DCDC2C: variants seen among roughly 807,000 people sequenced by gnomAD.
DCDC2C encodes doublecortin domain containing 2C.
In DCDC2C, 44 loss-of-function variants were observed where a neutral mutation model predicts 45.0. That is an observed-to-expected ratio of 0.98 (90% CI 0.77 to 1.26). The LOEUF (loss-of-function observed/expected upper bound fraction) is 1.26. Among genes scored for constraint, DCDC2C ranks in the 50% most tolerant of loss-of-function variants. The pLI, the probability that DCDC2C is intolerant of heterozygous loss-of-function variation, is 0.00. For missense variants in DCDC2C, 447 were observed against 468.9 expected (o/e 0.95, Z 0.43); for synonymous variants, 187 against 178.8 (o/e 1.05, Z -0.37).
rs930298234 is a variant in DCDC2C at position 3,752,888 on chromosome 2, G to C, written c.671G>C (p.Ser224Thr). The C allele has an allele frequency of 1.3e-6, 2 of 1,550,552 alleles. No homozygotes were observed. Among genetic ancestry groups the C allele is most frequent in the Non-Finnish European group, 1.7e-6 (2 of 1,146,962 alleles). The change falls in exon 5 of 11, where the codon AGT becomes ACT. Residue 224 changes from serine (S) to threonine (T), a missense_variant. Ser to Thr is a moderately conservative substitution (Grantham distance 58, BLOSUM62 1). Transcript: ENST00000399143. ...TACTGGAAGTCTCCAAGGGTGCCCA[G>C]TGAGGTCCAACAGTGAGCATGCTTC... is the stretch of plus-strand genomic sequence containing the variant. ...FPYWKSPRVP[S>T]EVQQRYANVE...
intron 10 of DCDC2C, among the ~76,000 whole-genome samples, chr2:3,795,856 T>G (rs1432381023): frequency 2.2e-5 from 3 of 136,138 alleles, no homozygotes; most frequent in African/African-American, 8.6e-5. Context: ...TGCGGGCTCT[T>G]TTTTGGTTCC....
Position 3,714,359 on chromosome 2 carries a change from GAA to G in DCDC2C, c.339+5762_339+5763del, listed in dbSNP as rs1435973048. Among the ~76,000 whole-genome samples the G allele has an allele frequency of 2.0e-5, 3 of 152,204 alleles. No individual in the cohort carries two copies. The South Asian group carries it at 6.2e-4, about 32-fold the overall frequency. Reference sequence around the variant, plus strand: ...TGACTGTGCCATGTTGGTTTAATGAGAAAAGTGTCCTTGGTCTTAATTCAATG... The same window carrying G: ...TGACTGTGCCATGTTGGTTTAATGAGAAGTGTCCTTGGTCTTAATTCAATG... On this transcript the variant is annotated intron_variant, in intron 2 of 10. Transcript: ENST00000399143.
chr2:3,724,191 C>T (rs548539216), intron 2 of DCDC2C, among the ~76,000 whole-genome samples: 16 of 152,270 alleles, frequency 1.1e-4, no homozygotes, highest in Non-Finnish European at 1.8e-4. Context: ...ACCACATGGA[C>T]GGTAAGACGT....
intron 10 of DCDC2C, among the ~76,000 whole-genome samples, chr2:3,794,628 T>A (rs1670909989): frequency 6.6e-6 from 1 of 152,202 alleles, no homozygotes; most frequent in Admixed American, 6.5e-5. Context: ...TGGTTTTTTG[T>A]TCTTGTGATA....
chr2:3,835,897 C>A (rs1672063735), intron 10 of DCDC2C, among the ~76,000 whole-genome samples: 1 of 152,156 alleles, frequency 6.6e-6, no homozygotes, highest in African/African-American at 2.4e-5. Flanking sequence ...GTGTACACCA[C>A]CATGGCTGGC....
At chr2:3,822,482 T>A (rs1671716026) in intron 10 of DCDC2C, among the ~76,000 whole-genome samples, 1 of 152,244 alleles carries the variant, frequency 6.6e-6, no homozygotes, top group African/African-American at 2.4e-5. Context: ...ACATTTCTGA[T>A]TTTATCAATT....
intron 1 of DCDC2C, among the ~76,000 whole-genome samples, chr2:3,706,156 A>G (rs1397895444): frequency 6.6e-6 from 1 of 152,258 alleles, no homozygotes; most frequent in East Asian, 1.9e-4. Context: ...TTGCTAAGCC[A>G]TTGAGCAGTT....
intron 2 of DCDC2C, among the ~76,000 whole-genome samples, chr2:3,719,277 G>A (rs1194535207): frequency 6.6e-6 from 1 of 152,122 alleles, no homozygotes; most frequent in East Asian, 1.9e-4. Flanking sequence ...AATAGAGATG[G>A]TGTTTCACCA....
intron 8 of DCDC2C, among the ~76,000 whole-genome samples, chr2:3,770,669 C>T (rs147940354): frequency 4.8e-4 from 73 of 152,272 alleles, no homozygotes; most frequent in African/African-American, 1.6e-3. Context: ...CCAAATATAC[C>T]GTTGTCACTA....
Position 3,745,727 on chromosome 2 carries a change from GTTC to G in DCDC2C, c.545+3682_545+3684del, listed in dbSNP as rs1669342153. Among the ~76,000 whole-genome samples the G allele has an allele frequency of 2.6e-5, 4 of 152,042 alleles. No individual in the cohort carries two copies. The South Asian group carries it at 8.3e-4, about 31-fold the overall frequency. Reference sequence around the variant, plus strand: ...CTTGTGTGGGTTAGAAACGAAGACAGTTCTTTTTTTAGGAGACTCTGTTGTCTA... The same window carrying G: ...CTTGTGTGGGTTAGAAACGAAGACAGTTTTTTTAGGAGACTCTGTTGTCTA... On this transcript the variant is annotated intron_variant, in intron 4 of 10. Transcript: ENST00000399143.
chr2:3,847,167 G>A lies in DCDC2C; in HGVS notation c.1079G>A (p.Trp360Ter), dbSNP rs567220697. The A allele has an allele frequency of 2.4e-4, 295 of 1,231,540 alleles. No individual in the cohort carries two copies. Among genetic ancestry groups the A allele is most frequent in the Non-Finnish European group, 2.9e-4 (282 of 987,932 alleles). 76.3% of individuals were successfully genotyped at this position (1,231,540 alleles called of 1,614,324 possible). ...EDVERKMARE[W>*]KPVD is the part of the protein sequence containing the mutation. ...TATGTCTTCCAGATGGCCCGGGAGT[G>A]GAAACCTGTAGATTAACAAAACCAC... Residue 360 changes from tryptophan (W) to a stop codon, truncating the protein, a stop_gained, in exon 11 of 11, where the codon TGG becomes TAG. Coordinates refer to ENST00000399143, the MANE Select transcript of DCDC2C (RefSeq NM_001287444.2). LOFTEE classifies it high-confidence loss of function.
chr2:3,803,992 C>T (rs1016776549), intron 10 of DCDC2C, among the ~76,000 whole-genome samples: 3 of 152,206 alleles, frequency 2.0e-5, no homozygotes, highest in Non-Finnish European at 2.9e-5. Flanking sequence ...GAAACTATCT[C>T]GACCACTCCA....
chr2:3,804,088 C>A (rs1671175537), intron 10 of DCDC2C, among the ~76,000 whole-genome samples: 1 of 152,168 alleles, frequency 6.6e-6, no homozygotes, highest in Non-Finnish European at 1.5e-5. Context: ...TCATTATCCC[C>A]TCAGTATGGC....
At chr2:3,803,188 G>A (rs959356626) in intron 10 of DCDC2C, among the ~76,000 whole-genome samples, 9 of 152,038 alleles carry the variant, frequency 5.9e-5, no homozygotes, top group Non-Finnish European at 7.4e-5. Context: ...TTTCTTTCTC[G>A]TAATCTTTCA....
chr2:3,752,510 G>A, intron 4 of DCDC2C: 1 of 533,578 alleles, frequency 1.9e-6, no homozygotes, highest in Non-Finnish European at 3.5e-6. Context: ...TGGTTCTCAA[G>A]AGCCTATGAG....
intron 2 of DCDC2C, among the ~76,000 whole-genome samples, chr2:3,720,217 C>T (rs1299330437): frequency 2.6e-5 from 4 of 152,202 alleles, no homozygotes; most frequent in African/African-American, 2.4e-5. Flanking sequence ...GTTTAAGAAT[C>T]GTTGCCAGCC....
intron 4 of DCDC2C, among the ~76,000 whole-genome samples, chr2:3,746,590 C>T (rs1276608590): frequency 6.6e-6 from 1 of 152,206 alleles, no homozygotes; most frequent in Admixed American, 6.5e-5. Context: ...TTTTCAATTT[C>T]CCACTGTCCG....
intron 10 of DCDC2C, among the ~76,000 whole-genome samples, chr2:3,800,287 G>T (rs1163258311): frequency 6.6e-6 from 1 of 152,160 alleles, no homozygotes. Flanking sequence ...CTAGTGAGAT[G>T]AACCCGGTAC....
chr2:3,779,091 A>G (rs1558223571), intron 9 of DCDC2C, among the ~76,000 whole-genome samples: 1 of 152,006 alleles, frequency 6.6e-6, no homozygotes. Context: ...AGTCATTTTA[A>G]TCACATCTAC....
Sources: gnomAD v4.1 joint callset for allele counts (sites outside exome capture counted in the v4.1 genomes callset) on GRCh38, gnomAD v4.1.1 for gene constraint, MANE v1.5 for transcripts, NCBI Gene and HGNC (gene_info 2026-07-23, HGNC 2026-07-21) for gene names.